GREM2: variants seen among roughly 807,000 people sequenced by gnomAD.
GREM2 encodes the protein gremlin 2, DAN family BMP antagonist.
A neutral mutation model predicts 14.2 loss-of-function variants in GREM2; 11 were observed. That is an observed-to-expected ratio of 0.78 (90% confidence interval 0.49 to 1.28). GREM2 has a LOEUF of 1.28. Ranked by LOEUF, GREM2 falls within the 50% of genes most tolerant of loss-of-function variation. The pLI is 0.00. For synonymous variants in GREM2, 98 were observed against 97.6 expected (o/e 1.00, Z -0.02); for missense variants, 210 against 218.5 (o/e 0.96, Z 0.24).
At chr1:240,510,669 A>G (rs1421899109) in intron 1 of GREM2, among the ~76,000 whole-genome samples, 1 of 152,208 alleles carries the variant, frequency 6.6e-6, no homozygotes, top group Non-Finnish European at 1.5e-5. Context: ...ATTAGCAGAG[A>G]CATTAATTAA....
intron 1 of GREM2, among the ~76,000 whole-genome samples, chr1:240,583,190 T>A (rs920780437): frequency 2.0e-5 from 3 of 152,154 alleles, no homozygotes; most frequent in African/African-American, 7.2e-5. Flanking sequence ...TGTGACACTT[T>A]CGAAATAATC....
chr1:240,556,156 TTACGCCGGGCACAGTGGAACACAGG>T (rs1337807617), intron 1 of GREM2, among the ~76,000 whole-genome samples: 1 of 152,178 alleles, frequency 6.6e-6, no homozygotes, highest in East Asian at 1.9e-4. Flanking sequence ...GAATATTCAC[TTACGCCGGGCACAGTGGAACACAGG>T]ACACCAGTTA....
rs376294011 is a variant in GREM2, at chr1:240,525,057, G to A, written c.-1-31581C>T. ...TCGGGAACCTCAGCTACAATTCCAT[G>A]TGAATGTAAAGCACCTAGTGGGTGC... On this transcript the variant is annotated intron_variant, in intron 1 of 1. Transcript: ENST00000318160. 1.5e-3 allele frequency among the ~76,000 whole-genome samples: 229 copies of A among 152,070 alleles called. 2 individuals are homozygous for A. Among genetic ancestry groups the A allele is most frequent in the African/African-American group, 5.3e-3 (218 of 41,478 alleles).
chr1:240,579,997 T>C (rs1360780182), intron 1 of GREM2, among the ~76,000 whole-genome samples: 1 of 152,182 alleles, frequency 6.6e-6, no homozygotes, highest in Non-Finnish European at 1.5e-5. Flanking sequence ...TATGCGTTTG[T>C]CATCTGTGAT....
intron 1 of GREM2, among the ~76,000 whole-genome samples, chr1:240,576,580 A>AGGT (rs1227162714): frequency 6.6e-6 from 1 of 152,124 alleles, no homozygotes; most frequent in African/African-American, 2.4e-5. Context: ...CTGCCAAACA[A>AGGT]CCCTGGTTGA....
chr1:240,525,545 C>T (rs745315814), intron 1 of GREM2, among the ~76,000 whole-genome samples: 25 of 152,100 alleles, frequency 1.6e-4, no homozygotes, highest in Admixed American at 1.2e-3. Context: ...GGCAACCAAT[C>T]TTGTCTCACT....
intron 1 of GREM2, among the ~76,000 whole-genome samples, chr1:240,496,241 T>A (rs1352831653): frequency 6.6e-6 from 1 of 152,088 alleles, no homozygotes; most frequent in Non-Finnish European, 1.5e-5. Flanking sequence ...AAGGCAAAGT[T>A]CTCACAGGGT....
intron 1 of GREM2, among the ~76,000 whole-genome samples, chr1:240,603,064 A>G (rs1679959501): frequency 6.6e-6 from 1 of 152,140 alleles, no homozygotes; most frequent in Non-Finnish European, 1.5e-5. Flanking sequence ...CAGAGCTGCG[A>G]CAGAGCGAGA....
intron 1 of GREM2, among the ~76,000 whole-genome samples, chr1:240,528,498 T>C (rs1317000532): frequency 6.6e-6 from 1 of 152,046 alleles, no homozygotes; most frequent in Non-Finnish European, 1.5e-5. Context: ...AAGGAGAAAG[T>C]TGTATCTGGG....
chr1:240,590,921 A>G (rs964774532), intron 1 of GREM2, among the ~76,000 whole-genome samples: 4 of 151,848 alleles, frequency 2.6e-5, no homozygotes, highest in African/African-American at 9.7e-5. Flanking sequence ...GAGTGGGATT[A>G]CAGGCACGCG....
At chr1:240,537,596 C>T (rs926767472) in intron 1 of GREM2, among the ~76,000 whole-genome samples, 8 of 152,064 alleles carry the variant, frequency 5.3e-5, no homozygotes, top group African/African-American at 1.9e-4. Context: ...ACCATCCTGG[C>T]CAACATGGTG....
intron 1 of GREM2, among the ~76,000 whole-genome samples, chr1:240,510,165 T>G (rs55765104): frequency 2.8e-4 from 43 of 151,764 alleles, no homozygotes; most frequent in Middle Eastern, 3.4e-3. Flanking sequence ...GTCAGGAGAT[T>G]GGGACCATCC....
At chr1:240,506,914 C>T (rs1291879748) in intron 1 of GREM2, among the ~76,000 whole-genome samples, 1 of 152,160 alleles carries the variant, frequency 6.6e-6, no homozygotes, top group Non-Finnish European at 1.5e-5. Context: ...GTGAAGGAAA[C>T]ATTTCAGATG....
chr1:240,503,552 C>A (rs1298489675), intron 1 of GREM2, among the ~76,000 whole-genome samples: 7 of 152,206 alleles, frequency 4.6e-5, no homozygotes, highest in Non-Finnish European at 8.8e-5. Flanking sequence ...AATGCATAGG[C>A]CTTCTGCAAT....
chr1:240,582,868 G>A (rs1443018025), intron 1 of GREM2, among the ~76,000 whole-genome samples: 1 of 147,960 alleles, frequency 6.8e-6, no homozygotes, highest in Non-Finnish European at 1.5e-5. Flanking sequence ...TTTTTTTAAA[G>A]TACGTAGCTA....
At chr1:240,577,261 G>A (rs1256671197) in intron 1 of GREM2, among the ~76,000 whole-genome samples, 4 of 151,786 alleles carry the variant, frequency 2.6e-5, no homozygotes, top group Non-Finnish European at 2.9e-5. Flanking sequence ...TGATGTTGTC[G>A]CAACTTATTT....
chr1:240,569,489 C>A (rs565876889), intron 1 of GREM2, among the ~76,000 whole-genome samples: 1 of 152,238 alleles, frequency 6.6e-6, no homozygotes, highest in South Asian at 2.1e-4. Context: ...TAATTAGTGT[C>A]AAGATATATA....
chr1:240,603,910 A>T (rs1679976487), intron 1 of GREM2, among the ~76,000 whole-genome samples: 2 of 151,724 alleles, frequency 1.3e-5, no homozygotes, highest in Admixed American at 6.6e-5. Context: ...TGGGTAATTT[A>T]TAAGGAAAAG....
intron 1 of GREM2, among the ~76,000 whole-genome samples, chr1:240,510,325 G>C (rs769708451): frequency 2.8e-4 from 35 of 126,816 alleles, no homozygotes; most frequent in Admixed American, 1.3e-3. Flanking sequence ...AGCAGAGATC[G>C]CGCCACTGCA....
Sources: gnomAD v4.1 joint callset for allele counts (sites outside exome capture counted in the v4.1 genomes callset) on GRCh38, gnomAD v4.1.1 for gene constraint, MANE v1.5 for transcripts, NCBI Gene and HGNC (gene_info 2026-07-23, HGNC 2026-07-21) for gene names.